The following UBE2D3 variants were observed in gnomAD, a reference collection of about 807,000 sequenced individuals.
The protein encoded by UBE2D3 is ubiquitin-conjugating enzyme E2 D3.
In UBE2D3, 2 loss-of-function variants were observed where a neutral mutation model predicts 22.8. That is an observed-to-expected ratio of 0.09 (90% CI 0.04 to 0.28). The LOEUF (loss-of-function observed/expected upper bound fraction) is 0.28. Among genes scored for constraint, UBE2D3 ranks in the 10% least tolerant of loss-of-function variants. The pLI is 1.00. For synonymous variants in UBE2D3, 56 were observed against 60.4 expected (o/e 0.93, Z 0.34); for missense variants, 27 against 182.5 (o/e 0.15, Z 4.91).
Position 102,818,187 on chromosome 4 carries a change from A to T in UBE2D3, c.24+8298T>A, listed in dbSNP as rs573183102. ...TTAGGAATTGCTCAAGGTTCCACTCACGTTGAAGGGACACTAAGATCAAGC... is the reference window on the plus strand; with the variant it reads ...TTAGGAATTGCTCAAGGTTCCACTCTCGTTGAAGGGACACTAAGATCAAGC... On this transcript the variant is annotated intron_variant, in intron 2 of 7. Coordinates refer to ENST00000453744, the MANE Select transcript of UBE2D3 (RefSeq NM_181891.3). 4.6e-5 allele frequency among the ~76,000 whole-genome samples: 7 copies of T among 152,330 alleles called. 1 individual carries two copies. The highest frequency in any genetic ancestry group is 4.6e-4 in the Admixed American group (7 of 15,306).
Position 102,827,462 on chromosome 4 carries a change from G to A in UBE2D3, c.-164C>T, listed in dbSNP as rs894982807. On this transcript the variant is annotated 5_prime_UTR_variant, in exon 1 of 8. Transcript: ENST00000453744. The stretch of plus-strand genomic sequence containing the variant: ...GGGCCTCCCTCAAGCTGCGGCCTCG[G>A]CCTCCTCCCCGCGCGGCAGCTGGTG... 2.3e-4 allele frequency: 229 copies of A among 986,116 alleles called. No homozygotes were observed. The highest frequency in any genetic ancestry group is 2.7e-4 in the Non-Finnish European group (224 of 830,224). The allele number at this position is 986,116 out of a possible 1,614,324, so 61.1% of individuals were successfully genotyped here. A position where few individuals can be genotyped will look rare whatever the true frequency, so the allele number is the denominator to read the frequency against.
chr4:102,795,723 T>C lies in UBE2D3; in HGVS notation c.*1692A>G, dbSNP rs189202666. ...TATAAAAAGTAAGTTTTAACATTTA[T>C]TTCTAGCTTTCCACATGTGTGTGCA... On this transcript the variant is annotated 3_prime_UTR_variant, in exon 8 of 8. Coordinates refer to ENST00000453744, the MANE Select transcript of UBE2D3 (RefSeq NM_181891.3). 5 of 152,248 alleles carry C rather than the reference T, an allele frequency of 3.3e-5. No homozygotes were observed. Among genetic ancestry groups the C allele is most frequent in the African/African-American group, 9.6e-5 (4 of 41,586 alleles). 9.4% of individuals were successfully genotyped at this position (152,248 alleles called of 1,614,324 possible).
At chr4:102,834,919 C>T (rs223377) in intron 1 of UBE2D3, among the ~76,000 whole-genome samples, 82,554 of 151,612 alleles carry the variant, frequency 0.54, 23,071 homozygotes, top group African/African-American at 0.68. Context: ...GCTGGGACTA[C>T]AGGCATATGC....
chr4:102,818,665 A>T (rs77594033), intron 2 of UBE2D3, among the ~76,000 whole-genome samples: 1 of 152,158 alleles, frequency 6.6e-6, no homozygotes, highest in Non-Finnish European at 1.5e-5. Context: ...AATCTCTCTA[A>T]AAGGCAACCA....
chr4:102,860,404 G>GGT (rs540255423), intron 1 of UBE2D3, among the ~76,000 whole-genome samples: 1,838 of 122,798 alleles, frequency 0.015, 56 homozygotes, highest in South Asian at 0.06. Flanking sequence ...ATGTTTTCCT[G>GGT]GTGTGTGTGT....
intron 1 of UBE2D3, chr4:102,826,871 G>A (rs1730592780): frequency 3.7e-6 from 4 of 1,092,666 alleles, no homozygotes; most frequent in Non-Finnish European, 4.5e-6. Context: ...CCGGGTGGGA[G>A]AGGAAGAGGC....
chr4:102,801,166 G>A (rs1423036559), intron 6 of UBE2D3, among the ~76,000 whole-genome samples: 2 of 151,842 alleles, frequency 1.3e-5, no homozygotes, highest in Non-Finnish European at 2.9e-5. Flanking sequence ...CAAGTGGTTT[G>A]GGATTGAAAA....
chr4:102,818,820 T>C (rs1270635918), intron 2 of UBE2D3, among the ~76,000 whole-genome samples: 4 of 152,194 alleles, frequency 2.6e-5, no homozygotes, highest in Admixed American at 1.3e-4. Flanking sequence ...ATGGTTTATC[T>C]TGAGGAAGAC....
intron 7 of UBE2D3, among the ~76,000 whole-genome samples, chr4:102,798,014 GGT>G (rs980434637): frequency 2.6e-5 from 4 of 151,380 alleles, no homozygotes; most frequent in Non-Finnish European, 5.9e-5. Context: ...TTTCAAAAGG[GGT>G]GTGTGTGTGA....
intron 6 of UBE2D3, 66 bp from the exon 7 acceptor site, chr4:102,799,566 C>T: frequency 7.2e-6 from 9 of 1,258,416 alleles, no homozygotes; most frequent in South Asian, 2.7e-5. Context: ...TTTTCTAAAC[C>T]GTGTATTACA....
chr4:102,823,722 A>G (rs1341192412), intron 2 of UBE2D3, among the ~76,000 whole-genome samples: 1 of 152,218 alleles, frequency 6.6e-6, no homozygotes, highest in Non-Finnish European at 1.5e-5. Flanking sequence ...AGCTCGTTCA[A>G]ATAAAGAATA....
At chr4:102,828,046 G>T, upstream of UBE2D3, 4 of 985,434 alleles carry the variant, frequency 4.1e-6, no homozygotes, top group Non-Finnish European at 4.8e-6. Flanking sequence ...TTCCTGACGG[G>T]GTTCCGCCTC....
intron 2 of UBE2D3, among the ~76,000 whole-genome samples, chr4:102,822,405 C>T (rs1729759026): frequency 6.6e-6 from 1 of 152,178 alleles, no homozygotes; most frequent in African/African-American, 2.4e-5. Flanking sequence ...ATATTTTGTT[C>T]ACTCTAAGAC....
At chr4:102,802,978 T>C (rs1002789380) in intron 4 of UBE2D3, among the ~76,000 whole-genome samples, 1 of 152,240 alleles carries the variant, frequency 6.6e-6, no homozygotes, top group African/African-American at 2.4e-5. Context: ...AACAAAATTT[T>C]ACACATGTAG....
chr4:102,802,328 T>TG (rs1726288486), intron 5 of UBE2D3: 5 of 333,164 alleles, frequency 1.5e-5, no homozygotes, highest in African/African-American at 1.1e-4. Context: ...GGGCGGAAGC[T>TG]TCCACATGGT....
chr4:102,828,259 A>G (rs1187261480), upstream of UBE2D3: 1 of 985,266 alleles, frequency 1.0e-6, no homozygotes, highest in Non-Finnish European at 1.2e-6. Context: ...GCCAAGGATT[A>G]ATTACCAGAT....
intron 4 of UBE2D3, among the ~76,000 whole-genome samples, chr4:102,804,418 A>G (rs1014926426): frequency 6.6e-6 from 1 of 152,024 alleles, no homozygotes; most frequent in Non-Finnish European, 1.5e-5. Context: ...TCAGCCTCCC[A>G]AAGTGCTGGG....
chr4:102,822,623 C>A (rs72931864), intron 2 of UBE2D3, among the ~76,000 whole-genome samples: 1 of 152,268 alleles, frequency 6.6e-6, no homozygotes, highest in South Asian at 2.1e-4. Flanking sequence ...AAACTAAAAT[C>A]ACATACATTA....
rs2110233576 is a variant in UBE2D3, at chr4:102,795,069, G to A, written c.*2346C>T. ...GTCCAGTGTCCATACATTCAAAAAT[G>A]TTGGTTTTCCAGGTACTTTACTGTT... is the stretch of plus-strand genomic sequence containing the variant. On this transcript the variant is annotated 3_prime_UTR_variant, in exon 8 of 8. Coordinates refer to ENST00000453744, the MANE Select transcript of UBE2D3 (RefSeq NM_181891.3). 1 of 152,166 alleles carries A rather than the reference G, an allele frequency of 6.6e-6. No individual in the cohort carries two copies. 9.4% of individuals were successfully genotyped at this position (152,166 alleles called of 1,614,324 possible).
Sources: allele counts gnomAD v4.1 joint callset (sites outside exome capture counted in the v4.1 genomes callset), GRCh38; gene constraint gnomAD v4.1.1; transcripts MANE v1.5; gene names NCBI Gene and HGNC (gene_info 2026-07-23, HGNC 2026-07-21).